The following CYBRD1 variants were observed in gnomAD, a reference collection of about 807,000 sequenced individuals.
The protein encoded by CYBRD1 is cytochrome b reductase 1, also known as plasma membrane ascorbate-dependent reductase CYBRD1.
CYBRD1 carries 14 observed loss-of-function variants against 21.9 expected under a neutral mutation model. The ratio of observed to expected loss-of-function variants is 0.64; its 90% confidence interval spans 0.42 to 1.00. CYBRD1 has a LOEUF of 1.00. Among genes scored for constraint, CYBRD1 ranks in the 50% least tolerant of loss-of-function variants. The pLI is 0.00. For missense variants in CYBRD1, 328 were observed against 352.5 expected, an observed-to-expected ratio of 0.93 and a Z score of 0.56; for synonymous variants, 146 against 136.5, an observed-to-expected ratio of 1.07 and a Z score of -0.48.
intron 1 of CYBRD1, among the ~76,000 whole-genome samples, chr2:171,528,217 C>T (rs1025808721): frequency 1.3e-5 from 2 of 152,130 alleles, no homozygotes; most frequent in Non-Finnish European, 2.9e-5. Context: ...TCCAGAGTAG[C>T]TGGGATTACA....
In CYBRD1 at chr2:171,545,938, T is replaced by C. The variant is rs148296667; in HGVS notation, c.402+4145T>C. On this transcript the variant is annotated intron_variant, in intron 2 of 3. Transcript: ENST00000321348. Reference sequence around the variant, plus strand: ...AGTTTTCTTCTTTAACATCTTAATGTAGTCAATTATATAAATATATTCTAT... The same window carrying C: ...AGTTTTCTTCTTTAACATCTTAATGCAGTCAATTATATAAATATATTCTAT... Among the ~76,000 whole-genome samples the C allele has an allele frequency of 1.1e-4, 16 of 152,308 alleles. No individual in the cohort carries two copies. In the East Asian group the frequency reaches 3.1e-3, roughly 29 times the overall value.
chr2:171,538,712 G>C (rs79299875), intron 1 of CYBRD1, among the ~76,000 whole-genome samples: 1 of 152,058 alleles, frequency 6.6e-6, no homozygotes, highest in Non-Finnish European at 1.5e-5. Flanking sequence ...AATTCACATC[G>C]GTCTTTGTAG....
chr2:171,547,158 G>C (rs924614856), intron 2 of CYBRD1, among the ~76,000 whole-genome samples: 1 of 152,208 alleles, frequency 6.6e-6, no homozygotes, highest in African/African-American at 2.4e-5. Context: ...CATTGGAGGG[G>C]AGGAGAGGGC....
intron 2 of CYBRD1, among the ~76,000 whole-genome samples, chr2:171,549,885 A>G (rs915792830): frequency 1.3e-5 from 2 of 152,218 alleles, no homozygotes; most frequent in South Asian, 2.1e-4. Flanking sequence ...TAGACTATAT[A>G]TAATGGAATA....
chr2:171,528,702 A>G (rs1239520851), intron 1 of CYBRD1, among the ~76,000 whole-genome samples: 1 of 152,124 alleles, frequency 6.6e-6, no homozygotes, highest in Non-Finnish European at 1.5e-5. Flanking sequence ...CCAAATCCAA[A>G]TATCTGTTTG....
chr2:171,531,861 G>A (rs560697462), intron 1 of CYBRD1, among the ~76,000 whole-genome samples: 2 of 152,274 alleles, frequency 1.3e-5, no homozygotes, highest in Admixed American at 1.3e-4. Flanking sequence ...TTTTAAATGT[G>A]TAGTCAATTA....
rs781534680 is a variant in CYBRD1, at chr2:171,554,785, A to G, written c.819A>G (p.Arg273=). 47 of 1,613,780 alleles carry G rather than the reference A, an allele frequency of 2.9e-5. 1 individual carries two copies. The South Asian group carries it at 4.8e-4, about 17-fold the overall frequency. The change falls in exon 4 of 4, where the codon AGA becomes AGG. Residue 273 remains arginine, a synonymous_variant. Transcript: ENST00000321348. ...ELNSEVAARK[R]NLALDEAGQR... is the part of the protein sequence containing the mutation. ...ACAGTGAAGTAGCAGCAAGGAAAAG[A>G]AACTTAGCTCTGGATGAGGCTGGGC...
rs567761256 is a variant in CYBRD1 at position 171,529,988 on chromosome 2, G to A, written c.193+7250G>A. ...TGAGGTCACCCTGGATTTAGACTGG[G>A]CTCTAAATCCTATGATTGGTGCCCT... On this transcript the variant is annotated intron_variant, in intron 1 of 3. Coordinates refer to ENST00000321348, the MANE Select transcript of CYBRD1 (RefSeq NM_024843.4). Among the ~76,000 whole-genome samples, 29 of 152,246 alleles carry A rather than the reference G, an allele frequency of 1.9e-4. 2 individuals are homozygous for A. In the South Asian group the frequency reaches 6.0e-3, roughly 32 times the overall value.
At position 171,543,052 on chromosome 2, in the gene CYBRD1, A is replaced by G. The variant is rs1345722631; in HGVS notation, c.402+1259A>G. The stretch of plus-strand genomic sequence containing the variant: ...AATATACCAGGAAAAGTAAATCAAT[A>G]AAGGTAAAAAAAAATCCATAAATAA... On this transcript the variant is annotated intron_variant, in intron 2 of 3. Coordinates refer to ENST00000321348, the MANE Select transcript of CYBRD1 (RefSeq NM_024843.4). 5.9e-5 allele frequency among the ~76,000 whole-genome samples: 9 copies of G among 152,294 alleles called. No homozygotes were observed. In the East Asian group the frequency reaches 1.2e-3, roughly 20 times the overall value.
Position 171,554,809 on chromosome 2 carries a change from G to T in CYBRD1, c.843G>T (p.Gly281=). Reference sequence around the variant, plus strand: ...GAAACTTAGCTCTGGATGAGGCTGGGCAGAGATCTACCATGTAAAATGTTG... The same window carrying T: ...GAAACTTAGCTCTGGATGAGGCTGGTCAGAGATCTACCATGTAAAATGTTG... ...RKRNLALDEA[G]QRSTM The change falls in exon 4 of 4, where the codon GGG becomes GGT. Residue 281 remains glycine, a synonymous_variant. Coordinates refer to ENST00000321348, the MANE Select transcript of CYBRD1 (RefSeq NM_024843.4). 1.2e-6 allele frequency: 2 copies of T among 1,613,004 alleles called. No homozygotes were observed. The highest frequency in any genetic ancestry group is 1.1e-5 in the South Asian group (1 of 91,054).
intron 2 of CYBRD1, among the ~76,000 whole-genome samples, chr2:171,544,544 A>G (rs1377652801): frequency 6.6e-6 from 1 of 152,202 alleles, no homozygotes; most frequent in East Asian, 1.9e-4. Flanking sequence ...AAAAACCCCA[A>G]CAATATGAAA....
chr2:171,542,993 G>A (rs1697658301), intron 2 of CYBRD1, among the ~76,000 whole-genome samples: 1 of 152,098 alleles, frequency 6.6e-6, no homozygotes, highest in South Asian at 2.1e-4. Context: ...AAATACATAA[G>A]CTATTTACTT....
intron 1 of CYBRD1, among the ~76,000 whole-genome samples, chr2:171,538,370 C>G (rs547498279): frequency 6.6e-6 from 1 of 152,194 alleles, no homozygotes; most frequent in African/African-American, 2.4e-5. Flanking sequence ...CAGCAAGACA[C>G]ATTAACGCCC....
chr2:171,525,942 C>T (rs1194373510), intron 1 of CYBRD1, among the ~76,000 whole-genome samples: 1 of 120,586 alleles, frequency 8.3e-6, no homozygotes, highest in Non-Finnish European at 1.7e-5. Flanking sequence ...AGCGAAACTC[C>T]CGTCTAAAAA....
At chr2:171,524,197 T>C (rs960639316) in intron 1 of CYBRD1, among the ~76,000 whole-genome samples, 1 of 60,450 alleles carries the variant, frequency 1.7e-5, no homozygotes, top group Non-Finnish European at 3.7e-5. Context: ...GGCATCAGGG[T>C]GTGAGATCGG....
At chr2:171,525,181 G>A (rs188443659) in intron 1 of CYBRD1, among the ~76,000 whole-genome samples, 4 of 152,148 alleles carry the variant, frequency 2.6e-5, no homozygotes, top group South Asian at 2.1e-4. Flanking sequence ...CAAGTGATCC[G>A]CCTACCTCGG....
intron 1 of CYBRD1, among the ~76,000 whole-genome samples, chr2:171,531,431 G>C (rs1026881791): frequency 2.2e-4 from 34 of 151,956 alleles, no homozygotes; most frequent in Non-Finnish European, 4.4e-4. Flanking sequence ...GGTTGGACAC[G>C]AGTTATGGTT....
intron 1 of CYBRD1, among the ~76,000 whole-genome samples, chr2:171,524,469 T>A (rs1285089160): frequency 6.6e-6 from 1 of 152,212 alleles, no homozygotes; most frequent in African/African-American, 2.4e-5. Flanking sequence ...GGTCTTGGAA[T>A]ATCTTCTCAT....
At chr2:171,554,308 A>C (rs1161636917) in intron 3 of CYBRD1, among the ~76,000 whole-genome samples, 1 of 152,196 alleles carries the variant, frequency 6.6e-6, no homozygotes, top group African/African-American at 2.4e-5. Context: ...CAAGTGTTAC[A>C]GATGCTATAT....
Sources: gnomAD v4.1 joint callset for allele counts (sites outside exome capture counted in the v4.1 genomes callset) on GRCh38, gnomAD v4.1.1 for gene constraint, MANE v1.5 for transcripts, NCBI Gene and HGNC (gene_info 2026-07-23, HGNC 2026-07-21) for gene names.